TMEM30A: variants seen among roughly 807,000 people sequenced by gnomAD.
The protein encoded by TMEM30A is cell division cycle 50 P4-ATPase accessory subunit A.
TMEM30A carries 24 observed loss-of-function variants against 38.2 expected under a neutral mutation model. That is an observed-to-expected ratio of 0.63 (90% confidence interval 0.46 to 0.88). The LOEUF (loss-of-function observed/expected upper bound fraction) is 0.88, where lower values mean the gene tolerates loss of function less well. TMEM30A is among the 40% of genes least tolerant of loss of function. The pLI is 0.00. For synonymous variants in TMEM30A, 145 were observed against 161.6 expected (o/e 0.90, Z 0.78); for missense variants, 370 against 458.6 (o/e 0.81, Z 1.77).
rs1771831023 is a variant in TMEM30A at position 75,254,212 on chromosome 6, T to TTAGCGA, written c.*1884_*1889dup. The TTAGCGA allele has an allele frequency of 6.6e-6, 1 of 152,226 alleles. No homozygotes were observed. The highest frequency in any genetic ancestry group is 6.5e-5 in the Admixed American group (1 of 15,270). 9.4% of individuals were successfully genotyped at this position (152,226 alleles called of 1,614,324 possible). On this transcript the variant is annotated 3_prime_UTR_variant, in exon 7 of 7. Transcript: ENST00000230461. ...GCTGAAAGGGCTCTTCAACTTTTCTTTAGCGACATCCTCTGTGCCCCAGTT... is the reference window on the plus strand; with the variant it reads ...GCTGAAAGGGCTCTTCAACTTTTCTTTAGCGATAGCGACATCCTCTGTGCCCCAGTT...
chr6:75,265,671 CT>C (rs2149520563), intron 2 of TMEM30A, among the ~76,000 whole-genome samples: 1 of 152,286 alleles, frequency 6.6e-6, no homozygotes, highest in African/African-American at 2.4e-5. Flanking sequence ...TCAAACTGGT[CT>C]TCACCCAGTT....
intron 1 of TMEM30A, among the ~76,000 whole-genome samples, chr6:75,274,720 C>T (rs1772230227): frequency 6.6e-6 from 1 of 152,160 alleles, no homozygotes. Context: ...TTTCATGTCA[C>T]TAAATCAAAA....
At chr6:75,273,722 T>C (rs770396922) in intron 1 of TMEM30A, among the ~76,000 whole-genome samples, 4 of 152,228 alleles carry the variant, frequency 2.6e-5, no homozygotes, top group Non-Finnish European at 5.9e-5. Context: ...TACTCTTCAA[T>C]AGGCAAATTT....
At chr6:75,260,136 T>A (rs996602966) in intron 4 of TMEM30A, among the ~76,000 whole-genome samples, 1 of 152,176 alleles carries the variant, frequency 6.6e-6, no homozygotes, top group Non-Finnish European at 1.5e-5. Context: ...CCAGGCGCAG[T>A]GGCTCACGCC....
chr6:75,283,273 A>G (rs1772390849), intron 1 of TMEM30A, among the ~76,000 whole-genome samples: 1 of 150,984 alleles, frequency 6.6e-6, no homozygotes, highest in South Asian at 2.1e-4. Context: ...ATTACTCTCA[A>G]AGTCCCATTA....
chr6:75,276,488 A>C (rs1291624297), intron 1 of TMEM30A, among the ~76,000 whole-genome samples: 1 of 152,232 alleles, frequency 6.6e-6, no homozygotes, highest in East Asian at 1.9e-4. Context: ...TAACGAAATT[A>C]TAGGACACCC....
intron 2 of TMEM30A, among the ~76,000 whole-genome samples, chr6:75,267,364 C>G (rs1469840367): frequency 1.3e-5 from 2 of 152,040 alleles, no homozygotes; most frequent in African/African-American, 4.8e-5. Flanking sequence ...AAAATTGATT[C>G]GTACAGTCAT....
intron 1 of TMEM30A, among the ~76,000 whole-genome samples, chr6:75,269,364 C>A (rs756959690): frequency 6.6e-6 from 1 of 152,206 alleles, no homozygotes; most frequent in Non-Finnish European, 1.5e-5. Context: ...TAGTTTTGTA[C>A]TTTCCAGAAT....
At chr6:75,258,653 A>G in intron 6 of TMEM30A, 127 bp downstream of exon 6, 1 of 743,386 alleles carries the variant, frequency 1.3e-6, no homozygotes, top group Non-Finnish European at 2.2e-6. Context: ...CATATACCAC[A>G]CATACTTTTG....
chr6:75,258,999 G>A lies in TMEM30A; in HGVS notation c.686-13C>T. Reference sequence around the variant, plus strand: ...GGCTTTGTTGTACCTTAAAAGGAGTGGGGAGGGGATAAGGAGACAAAATAT... The same window carrying A: ...GGCTTTGTTGTACCTTAAAAGGAGTAGGGAGGGGATAAGGAGACAAAATAT... On this transcript the variant is annotated splice_polypyrimidine_tract_variant and intron_variant, in intron 5 of 6. Transcript: ENST00000230461. The A allele has an allele frequency of 1.2e-6, 2 of 1,608,858 alleles. No homozygotes were observed. The highest frequency in any genetic ancestry group is 1.7e-6 in the Non-Finnish European group (2 of 1,176,784).
chr6:75,263,930 A>G (rs369073934), intron 3 of TMEM30A, among the ~76,000 whole-genome samples: 3 of 152,182 alleles, frequency 2.0e-5, no homozygotes, highest in African/African-American at 7.2e-5. Context: ...ATCAGCCACC[A>G]TTTCTGGGGT....
intron 1 of TMEM30A, among the ~76,000 whole-genome samples, chr6:75,271,096 CTG>C (rs201253521): frequency 0.024 from 3,678 of 152,146 alleles, 162 homozygotes; most frequent in African/African-American, 0.083. Flanking sequence ...TTTAAAATCT[CTG>C]TACATTTTCT....
At position 75,258,765 on chromosome 6, in the gene TMEM30A, G is replaced by A; in HGVS notation, c.892+15C>T. On this transcript the variant is annotated intron_variant, in intron 6 of 6. Transcript: ENST00000230461. ...CAAGCTCTATGAATCTGTATACCCA[G>A]CCAAAAAAGGATACTGTATGTGACA... The A allele has an allele frequency of 5.0e-6, 8 of 1,611,836 alleles. No homozygotes were observed. The highest frequency in any genetic ancestry group is 5.1e-6 in the Non-Finnish European group (6 of 1,178,374).
intron 1 of TMEM30A, among the ~76,000 whole-genome samples, 164 bp from the exon 2 acceptor site, chr6:75,267,912 A>C (rs1383696880): frequency 6.6e-6 from 1 of 152,194 alleles, no homozygotes; most frequent in Non-Finnish European, 1.5e-5. Flanking sequence ...GAGGTAGTAA[A>C]AACTGGAAAG....
chr6:75,262,068 CG>C (rs539436189), intron 3 of TMEM30A, among the ~76,000 whole-genome samples: 73 of 152,244 alleles, frequency 4.8e-4, no homozygotes, highest in South Asian at 1.0e-3. Flanking sequence ...TGATGAGGGC[CG>C]GGTGCGGTGG....
intron 1 of TMEM30A, among the ~76,000 whole-genome samples, chr6:75,269,197 A>G (rs1414740940): frequency 6.6e-6 from 1 of 152,136 alleles, no homozygotes; most frequent in Admixed American, 6.5e-5. Flanking sequence ...ACTAGGGTTC[A>G]CACTTGGTGT....
At chr6:75,269,225 A>T (rs181449315) in intron 1 of TMEM30A, among the ~76,000 whole-genome samples, 49 of 152,320 alleles carry the variant, frequency 3.2e-4, no homozygotes, top group Non-Finnish European at 5.6e-4. Flanking sequence ...ATGGGTTTTG[A>T]CAAACGTATA....
chr6:75,259,557 A>C (rs1771930109), intron 4 of TMEM30A, 67 bp from the exon 5 acceptor site: 1 of 1,380,006 alleles, frequency 7.2e-7, no homozygotes, highest in Non-Finnish European at 9.7e-7. Flanking sequence ...GCTTAACTCT[A>C]TGAGAAATAA....
At position 75,256,171 on chromosome 6, in the gene TMEM30A, C is replaced by A; in HGVS notation, c.1017G>T (p.Leu339=). 4.3e-6 allele frequency: 7 copies of A among 1,613,314 alleles called. No individual in the cohort carries two copies. Among genetic ancestry groups the A allele is most frequent in the Non-Finnish European group, 5.9e-6 (7 of 1,179,416 alleles). ...YIAVGSISFL[L]GVVLLVINHK... ...GATTAATTACTAGCAGTACAACTCCCAGAAGGAAGGAGATGGATCCAACAG... is the reference window on the plus strand; with the variant it reads ...GATTAATTACTAGCAGTACAACTCCAAGAAGGAAGGAGATGGATCCAACAG... The change falls in exon 7 of 7, where the codon CTG becomes CTT. Residue 339 remains leucine (L), a synonymous_variant. Coordinates refer to ENST00000230461, the MANE Select transcript of TMEM30A (RefSeq NM_018247.4).
Sources: gnomAD v4.1 joint callset for allele counts (sites outside exome capture counted in the v4.1 genomes callset) on GRCh38, gnomAD v4.1.1 for gene constraint, MANE v1.5 for transcripts, NCBI Gene and HGNC (gene_info 2026-07-23, HGNC 2026-07-21) for gene names.